MBOAT2: variants seen among roughly 807,000 people sequenced by gnomAD.
MBOAT2 encodes membrane-bound glycerophospholipid O-acyltransferase 2.
In MBOAT2, 28 loss-of-function variants were observed where a neutral mutation model predicts 63.4. The ratio of observed to expected loss-of-function variants is 0.44; its 90% confidence interval spans 0.33 to 0.61. MBOAT2 has a LOEUF of 0.61. Among genes scored for constraint, MBOAT2 ranks in the 20% least tolerant of loss-of-function variants. The probability of loss-of-function intolerance (pLI) is 0.03; values close to 1 mark genes in which losing one functional copy is unlikely to be tolerated. For synonymous variants in MBOAT2, 211 were observed against 215.6 expected, an observed-to-expected ratio of 0.98 and a Z score of 0.19; for missense variants, 470 against 605.8, an observed-to-expected ratio of 0.78 and a Z score of 2.35.
rs1669389614 is a variant in MBOAT2 at position 8,958,546 on chromosome 2, C to T, written c.172G>A (p.Val58Ile). ...SSKTSSFIRH[V>I]VATLLGLYLA... ...TAAAGGCCCAAAAGGGTAGCAACTA[C>T]ATGTCTTATAAAAGAGCTAGTTTTG... Residue 58 changes from valine (V) to isoleucine (I), a missense_variant, in exon 2 of 13, where the codon GTA becomes ATA. By Grantham distance (29) the Val-to-Ile change is conservative. This residue lies in a region of MBOAT2 where 376 missense variants were observed against 503.8 expected (regional missense o/e 0.75). Coordinates refer to ENST00000305997, the MANE Select transcript of MBOAT2 (RefSeq NM_138799.4). 6.2e-7 allele frequency: 1 copy of T among 1,610,056 alleles called. No individual in the cohort carries two copies. The highest frequency in any genetic ancestry group is 1.7e-5 in the Admixed American group (1 of 58,958).
chr2:8,965,883 T>A (rs1348985206), intron 1 of MBOAT2, among the ~76,000 whole-genome samples: 1 of 152,098 alleles, frequency 6.6e-6, no homozygotes, highest in Admixed American at 6.6e-5. Flanking sequence ...CTATAATAAT[T>A]TTGGAGTAAA....
At chr2:8,974,290 G>A (rs1670663501) in intron 1 of MBOAT2, 1 of 445,424 alleles carries the variant, frequency 2.2e-6, no homozygotes, top group South Asian at 1.6e-5. Context: ...TGTTCAATGA[G>A]AAATATGGCT....
rs182013166 is a variant in MBOAT2, at chr2:8,957,475, T to C, written c.221+1022A>G. 2.3e-3 allele frequency among the ~76,000 whole-genome samples: 343 copies of C among 152,350 alleles called. 1 individual carries two copies. Among genetic ancestry groups the C allele is most frequent in the African/African-American group, 7.8e-3 (323 of 41,570 alleles). ...TAAATTATCCCTAATTAATTTTTCATGAGTTTCTAGGAAACACTTGCAATT... is the reference window on the plus strand; with the variant it reads ...TAAATTATCCCTAATTAATTTTTCACGAGTTTCTAGGAAACACTTGCAATT... On this transcript the variant is annotated intron_variant, in intron 2 of 12. Coordinates refer to ENST00000305997, the MANE Select transcript of MBOAT2 (RefSeq NM_138799.4).
intron 1 of MBOAT2, among the ~76,000 whole-genome samples, chr2:8,991,509 C>T (rs561755500): frequency 8.5e-5 from 13 of 152,258 alleles, no homozygotes; most frequent in African/African-American, 2.9e-4. Context: ...AATTACTAAA[C>T]GGTGAAATAT....
Position 8,858,613 on chromosome 2 carries a change from G to A in MBOAT2, c.*66C>T. 8.1e-7 allele frequency: 1 copy of A among 1,241,944 alleles called. No homozygotes were observed. Among genetic ancestry groups the A allele is most frequent in the East Asian group, 2.3e-5 (1 of 42,818 alleles). 76.9% of individuals were successfully genotyped at this position (1,241,944 alleles called of 1,614,324 possible). A position where few individuals can be genotyped will look rare whatever the true frequency, so the allele number is the denominator to read the frequency against. On this transcript the variant is annotated 3_prime_UTR_variant, in exon 13 of 13. Coordinates refer to ENST00000305997, the MANE Select transcript of MBOAT2 (RefSeq NM_138799.4). ...CTTTTCCAACAAACTCAAACCCCTTGAAAAGGTGCTAAGATTGGTTTCTGT... is the reference window on the plus strand; with the variant it reads ...CTTTTCCAACAAACTCAAACCCCTTAAAAAGGTGCTAAGATTGGTTTCTGT...
At chr2:8,914,894 G>T (rs10929560) in intron 3 of MBOAT2, among the ~76,000 whole-genome samples, 4 of 137,816 alleles carry the variant, frequency 2.9e-5, no homozygotes, top group African/African-American at 5.4e-5. Flanking sequence ...TACTTAATGT[G>T]CTTTTTTTTC....
chr2:8,891,093 T>C (rs1558579076), intron 4 of MBOAT2, among the ~76,000 whole-genome samples: 1 of 152,266 alleles, frequency 6.6e-6, no homozygotes, highest in Non-Finnish European at 1.5e-5. Flanking sequence ...TTTATAGAAA[T>C]GCTTCATCAT....
At chr2:8,859,360 G>A (rs1237105339) in intron 12 of MBOAT2, among the ~76,000 whole-genome samples, 1 of 152,188 alleles carries the variant, frequency 6.6e-6, no homozygotes, top group Non-Finnish European at 1.5e-5. Flanking sequence ...GAGTGACAGA[G>A]AAGCAATATT....
At chr2:8,973,629 T>C (rs1157844154) in intron 1 of MBOAT2, among the ~76,000 whole-genome samples, 1 of 147,458 alleles carries the variant, frequency 6.8e-6, no homozygotes, top group East Asian at 2.0e-4. Context: ...CTCCCACATA[T>C]CAATAATAAA....
intron 4 of MBOAT2, among the ~76,000 whole-genome samples, chr2:8,900,617 G>C (rs1664849164): frequency 6.6e-6 from 1 of 152,152 alleles, no homozygotes. Context: ...TTCCTTCTGA[G>C]TGGGGGAGAT....
At chr2:8,913,675 A>C (rs10177454) in intron 3 of MBOAT2, among the ~76,000 whole-genome samples, 10,294 of 152,192 alleles carry the variant, frequency 0.068, 377 homozygotes, top group Middle Eastern at 0.095. Context: ...AAAACAGTAG[A>C]TACTGGTGTG....
At chr2:8,963,685 C>T (rs1669787941) in intron 1 of MBOAT2, among the ~76,000 whole-genome samples, 1 of 152,066 alleles carries the variant, frequency 6.6e-6, no homozygotes, top group African/African-American at 2.4e-5. Flanking sequence ...TGGAAGATTA[C>T]CAAGAAATAC....
chr2:8,888,130 A>G (rs1021927811), intron 4 of MBOAT2, 57 bp from the exon 5 acceptor site: 32 of 1,473,952 alleles, frequency 2.2e-5, no homozygotes, highest in Non-Finnish European at 3.0e-5. Context: ...AACAATACTT[A>G]TGACATATGA....
At chr2:8,981,910 G>A (rs1010069982) in intron 1 of MBOAT2, among the ~76,000 whole-genome samples, 5 of 152,076 alleles carry the variant, frequency 3.3e-5, no homozygotes, top group Admixed American at 2.0e-4. Flanking sequence ...TTAATAAAAA[G>A]ACATATGAAA....
chr2:8,953,334 T>C (rs1231285799), intron 2 of MBOAT2, among the ~76,000 whole-genome samples: 1 of 152,220 alleles, frequency 6.6e-6, no homozygotes, highest in Admixed American at 6.5e-5. Flanking sequence ...TCCCTTTGTA[T>C]ATAACTTGCC....
intron 1 of MBOAT2, among the ~76,000 whole-genome samples, chr2:8,976,170 C>CA (rs1670802979): frequency 6.6e-6 from 1 of 151,904 alleles, no homozygotes; most frequent in Non-Finnish European, 1.5e-5. Context: ...TCATACAAAC[C>CA]AAAAAGCAGT....
Position 9,003,287 on chromosome 2 carries a change from T to C in MBOAT2, c.75+253A>G, listed in dbSNP as rs1183260282. 1.3e-5 allele frequency among the ~76,000 whole-genome samples: 2 copies of C among 152,054 alleles called. No individual in the cohort carries two copies. The highest frequency in any genetic ancestry group is 6.5e-5 in the Admixed American group (1 of 15,284). ...CCATACGACCACCCTCCCCGGGGGCTGTCGCCGGCAACAACGCCCGGCCCA... is the reference window on the plus strand; with the variant it reads ...CCATACGACCACCCTCCCCGGGGGCCGTCGCCGGCAACAACGCCCGGCCCA... On this transcript the variant is annotated intron_variant, in intron 1 of 12. Transcript: ENST00000305997. The surrounding 1 kb of genome is among the most constrained non-coding windows in gnomAD (Gnocchi z 5.4).
intron 3 of MBOAT2, among the ~76,000 whole-genome samples, chr2:8,936,228 T>C (rs1390106338): frequency 6.6e-6 from 1 of 152,196 alleles, no homozygotes; most frequent in East Asian, 1.9e-4. Flanking sequence ...TAACAAACAT[T>C]TGTTGCAGGA....
chr2:8,999,425 C>T (rs991656396), intron 1 of MBOAT2, among the ~76,000 whole-genome samples: 25 of 152,034 alleles, frequency 1.6e-4, no homozygotes. Context: ...GTTTGGTAAC[C>T]GGGAGTTAGG....
Sources: gnomAD v4.1 joint callset for allele counts (sites outside exome capture counted in the v4.1 genomes callset) on GRCh38, gnomAD v4.1.1 for gene constraint, gnomAD v4.1.1 regional missense constraint, Gnocchi (gnomAD v3.1) non-coding constraint, MANE v1.5 for transcripts, NCBI Gene and HGNC (gene_info 2026-07-23, HGNC 2026-07-21) for gene names.